The following SDK1 variants were observed in gnomAD, a reference collection of about 807,000 sequenced individuals.
SDK1 encodes the protein sidekick cell adhesion molecule 1.
SDK1 carries 157 observed loss-of-function variants against 245.5 expected under a neutral mutation model. That is an observed-to-expected ratio of 0.64 (90% CI 0.56 to 0.73). The LOEUF is 0.73. Ranked by LOEUF, SDK1 falls within the 30% of genes least tolerant of loss-of-function variation. SDK1 has a pLI of 0.00. For synonymous variants in SDK1, 1,647 were observed against 1,278.5 expected (o/e 1.29, Z -6.15); for missense variants, 3,583 against 3,002.3 (o/e 1.19, Z -4.52).
At chr7:4,206,828 C>T (rs1338592539) in intron 36 of SDK1, among the ~76,000 whole-genome samples, 1 of 152,090 alleles carries the variant, frequency 6.6e-6, no homozygotes. Context: ...GGGGGCTAGC[C>T]TCCCCTAATG....
At chr7:3,556,595 C>T (rs1779593823) in intron 1 of SDK1, among the ~76,000 whole-genome samples, 1 of 151,808 alleles carries the variant, frequency 6.6e-6, no homozygotes, top group Admixed American at 6.6e-5. Flanking sequence ...CTGAGGCAGG[C>T]TGATTATCTC....
chr7:3,850,655 C>T (rs905240712), intron 5 of SDK1, among the ~76,000 whole-genome samples: 5 of 152,168 alleles, frequency 3.3e-5, no homozygotes, highest in African/African-American at 1.2e-4. Context: ...GGCACATATA[C>T]ACCATGGAAT....
chr7:3,464,151 G>A (rs1025867518), intron 1 of SDK1, among the ~76,000 whole-genome samples: 1 of 152,188 alleles, frequency 6.6e-6, no homozygotes, highest in Non-Finnish European at 1.5e-5. Flanking sequence ...CGTTCCCTGA[G>A]TGAAACCTAT....
chr7:3,967,545 A>T lies in SDK1; in HGVS notation c.1546+111A>T, dbSNP rs145225911. 1.5e-4 allele frequency: 106 copies of T among 714,048 alleles called. No homozygotes were observed. The African/African-American group carries it at 1.7e-3, about 11-fold the overall frequency. 44.2% of individuals were successfully genotyped at this position (714,048 alleles called of 1,614,324 possible). A position where few individuals can be genotyped will look rare whatever the true frequency, so the allele number is the denominator to read the frequency against. On this transcript the variant is annotated intron_variant, in intron 10 of 44. Transcript: ENST00000404826. ...GTTTATTCACTTATGCATTCACTCA[A>T]TGAAGATTAAATAACTCTTATTGCA...
chr7:3,837,955 C>T (rs1780063164), intron 5 of SDK1, among the ~76,000 whole-genome samples: 2 of 152,098 alleles, frequency 1.3e-5, no homozygotes, highest in Admixed American at 1.3e-4. Flanking sequence ...AGAGCTTGTC[C>T]TGACCAGGAA....
chr7:3,825,201 G>A (rs1779740548), intron 5 of SDK1, among the ~76,000 whole-genome samples: 1 of 151,734 alleles, frequency 6.6e-6, no homozygotes, highest in African/African-American at 2.4e-5. Context: ...ACCCGGGAAA[G>A]CTTTATGAAC....
At chr7:4,144,446 C>T (rs1482391921) in intron 28 of SDK1, among the ~76,000 whole-genome samples, 1 of 39,782 alleles carries the variant, frequency 2.5e-5, no homozygotes, top group African/African-American at 6.7e-5. Context: ...GTCTGTGTGG[C>T]GGTGATGACG....
intron 4 of SDK1, among the ~76,000 whole-genome samples, chr7:3,713,850 A>C (rs2115021210): frequency 6.6e-6 from 1 of 152,336 alleles, no homozygotes; most frequent in African/African-American, 2.4e-5. Flanking sequence ...GTCCTATATC[A>C]AGTAATCATA....
In SDK1 at chr7:4,160,674, C is replaced by T. The variant is rs371903940; in HGVS notation, c.4730-1112C>T. 8.7e-4 allele frequency among the ~76,000 whole-genome samples: 132 copies of T among 152,308 alleles called. 2 individuals are homozygous for T. In the South Asian group the frequency reaches 0.025, roughly 29 times the overall value. On this transcript the variant is annotated intron_variant, in intron 31 of 44. Coordinates refer to ENST00000404826, the MANE Select transcript of SDK1 (RefSeq NM_152744.4). The stretch of plus-strand genomic sequence containing the variant: ...TGATTTCTATTTCCCTGCACAACCT[C>T]ACAACTCAAGGACATTGAGAACTCC...
chr7:3,391,635 A>ATTTTTT (rs10667421), intron 1 of SDK1, among the ~76,000 whole-genome samples: 1 of 130,330 alleles, frequency 7.7e-6, no homozygotes, highest in African/African-American at 2.8e-5. Context: ...CTGTTAACTG[A>ATTTTTT]TTTTTTTTTT....
At chr7:4,155,518 G>C (rs934983238) in intron 30 of SDK1, among the ~76,000 whole-genome samples, 2 of 152,228 alleles carry the variant, frequency 1.3e-5, no homozygotes, top group African/African-American at 4.8e-5. Context: ...CCAAATCATA[G>C]CAAAGTGTGA....
At chr7:4,187,685 G>A (rs556228135) in intron 35 of SDK1, among the ~76,000 whole-genome samples, 1 of 152,360 alleles carries the variant, frequency 6.6e-6, no homozygotes, top group South Asian at 2.1e-4. Context: ...GTTTATTCGA[G>A]CAGACAGCAA....
chr7:3,550,387 G>A (rs1779363186), intron 1 of SDK1, among the ~76,000 whole-genome samples: 1 of 152,066 alleles, frequency 6.6e-6, no homozygotes, highest in African/African-American at 2.4e-5. Flanking sequence ...ACATACTGTG[G>A]CACGAGTAAG....
intron 1 of SDK1, among the ~76,000 whole-genome samples, chr7:3,490,652 G>C (rs1252027701): frequency 1.3e-5 from 2 of 152,180 alleles, no homozygotes; most frequent in Non-Finnish European, 2.9e-5. Flanking sequence ...TGCTTAAACA[G>C]ACTAATTGAA....
In SDK1 at chr7:3,435,321, C is replaced by CTTTTTTT. The variant is rs71029672; in HGVS notation, c.298+133458_298+133464dup. 8.8e-4 allele frequency among the ~76,000 whole-genome samples: 50 copies of CTTTTTTT among 56,898 alleles called. 6 individuals carry two copies. Among genetic ancestry groups the CTTTTTTT allele is most frequent in the African/African-American group, 3.9e-3 (43 of 10,994 alleles). 37.3% of individuals were successfully genotyped at this position (56,898 alleles called of 152,430 possible). A position where few individuals can be genotyped will look rare whatever the true frequency, so the allele number is the denominator to read the frequency against. On this transcript the variant is annotated intron_variant, in intron 1 of 44. Coordinates refer to ENST00000404826, the MANE Select transcript of SDK1 (RefSeq NM_152744.4). Reference sequence around the variant, plus strand: ...ATACTTGACTTATGAAGGGGACTGCCTTTTTTTTTTTTTTTTTTTTTTTTT... The same window carrying CTTTTTTT: ...ATACTTGACTTATGAAGGGGACTGCCTTTTTTTTTTTTTTTTTTTTTTTTTTTTTTTT...
chr7:3,949,749 T>C lies in SDK1; in HGVS notation c.848-1174T>C, dbSNP rs11489289. On this transcript the variant is annotated intron_variant, in intron 5 of 44. Transcript: ENST00000404826. ...GAAAAGCGGCAAAAAATATGTCCTA[T>C]TTTTTTCTCCCTTGTCACCAGAAGT... 7.7e-3 allele frequency among the ~76,000 whole-genome samples: 1,167 copies of C among 152,276 alleles called. 12 individuals carry two copies. The highest frequency in any genetic ancestry group is 0.026 in the African/African-American group (1,075 of 41,564).
intron 4 of SDK1, among the ~76,000 whole-genome samples, chr7:3,668,709 T>G (rs942876948): frequency 6.6e-6 from 1 of 152,234 alleles, no homozygotes; most frequent in African/African-American, 2.4e-5. Flanking sequence ...GAGAATCACT[T>G]GAACCTGGGA....
chr7:3,994,384 G>C (rs1381560163), intron 14 of SDK1, among the ~76,000 whole-genome samples: 3 of 152,124 alleles, frequency 2.0e-5, no homozygotes, highest in African/African-American at 7.2e-5. Flanking sequence ...GCTCACACCT[G>C]TGTTCTCAGT....
intron 5 of SDK1, among the ~76,000 whole-genome samples, chr7:3,920,733 G>A (rs1002195983): frequency 6.6e-6 from 1 of 151,486 alleles, no homozygotes; most frequent in Non-Finnish European, 1.5e-5. Context: ...AGATGACCCA[G>A]GGTAAAGGGA....
Sources: allele counts gnomAD v4.1 joint callset (sites outside exome capture counted in the v4.1 genomes callset), GRCh38; gene constraint gnomAD v4.1.1; transcripts MANE v1.5; gene names NCBI Gene and HGNC (gene_info 2026-07-23, HGNC 2026-07-21).